The following ANK2 variants were observed in gnomAD, a reference collection of about 807,000 sequenced individuals.
The protein encoded by ANK2 is ankyrin-2.
Under a neutral mutation model 360.5 loss-of-function variants are expected in ANK2, and 83 were observed. That is an observed-to-expected ratio of 0.23 (90% CI 0.19 to 0.28). The LOEUF (loss-of-function observed/expected upper bound fraction) is 0.28, where lower values mean the gene tolerates loss of function less well. ANK2 is among the 10% of genes least tolerant of loss of function. The probability of loss-of-function intolerance (pLI) is 1.00; values close to 1 mark genes in which losing one functional copy is unlikely to be tolerated. For synonymous variants in ANK2, 1,740 were observed against 1,759.5 expected, an observed-to-expected ratio of 0.99 and a Z score of 0.28; for missense variants, 4,201 against 4,795.7, an observed-to-expected ratio of 0.88 and a Z score of 3.66.
chr4:113,203,177 T>A (rs1252355147), intron 4 of ANK2, among the ~76,000 whole-genome samples: 1 of 152,202 alleles, frequency 6.6e-6, no homozygotes, highest in Non-Finnish European at 1.5e-5. Context: ...CTCTAAATAA[T>A]CCTACATACG....
chr4:113,047,826 G>C (rs1428550330), upstream of ANK2, among the ~76,000 whole-genome samples: 1 of 152,018 alleles, frequency 6.6e-6, no homozygotes, highest in East Asian at 1.9e-4. Context: ...AAACAGAGTT[G>C]ACTCCAGATG....
chr4:112,806,883 T>C, the ANK2 span, among the ~76,000 whole-genome samples: 8 of 152,306 alleles, frequency 5.3e-5, no homozygotes, highest in East Asian at 1.5e-3. Flanking sequence ...CTTCTGGATG[T>C]ATACTCAGCA....
chr4:113,020,783 G>A (rs554453036), intron 2 of ANK2, among the ~76,000 whole-genome samples: 1 of 146,974 alleles, frequency 6.8e-6, no homozygotes, highest in African/African-American at 2.5e-5. Flanking sequence ...CCAAGATCAC[G>A]CCACTGCATT....
At chr4:113,175,105 T>G (rs1287636678) in intron 2 of ANK2, among the ~76,000 whole-genome samples, 1 of 152,168 alleles carries the variant, frequency 6.6e-6, no homozygotes, top group African/African-American at 2.4e-5. Flanking sequence ...GATTTTTACA[T>G]CATGAATTAA....
At chr4:112,924,293 G>T (rs778655946) in intron 2 of ANK2, among the ~76,000 whole-genome samples, 16 of 151,644 alleles carry the variant, frequency 1.1e-4, no homozygotes, top group Middle Eastern at 3.4e-3. Flanking sequence ...GCTTGAACCC[G>T]GGAGACGGAA....
chr4:112,874,579 T>G (rs931319181), intron 1 of ANK2, among the ~76,000 whole-genome samples: 1 of 142,870 alleles, frequency 7.0e-6, no homozygotes, highest in Non-Finnish European at 1.5e-5. Flanking sequence ...AAGGCGGAGG[T>G]TGCAGTGAGC....
intron 26 of ANK2, among the ~76,000 whole-genome samples, chr4:113,326,926 C>T (rs1439495224): frequency 6.6e-6 from 1 of 152,120 alleles, no homozygotes; most frequent in Non-Finnish European, 1.5e-5. Flanking sequence ...ATCACTTGAG[C>T]CCCGAAGGTC....
the ANK2 span, among the ~76,000 whole-genome samples, chr4:112,793,325 A>T: frequency 6.6e-6 from 1 of 152,190 alleles, no homozygotes; most frequent in Non-Finnish European, 1.5e-5. Flanking sequence ...GGCAAATCTA[A>T]ATGTGTTTCT....
intron 1 of ANK2, among the ~76,000 whole-genome samples, chr4:113,096,425 G>A (rs2091054009): frequency 1.3e-5 from 2 of 152,064 alleles, no homozygotes; most frequent in Admixed American, 1.3e-4. Flanking sequence ...GGAATCCAGG[G>A]TCCTTCTATC....
At chr4:113,014,533 T>TTA (rs1473760022) in intron 2 of ANK2, among the ~76,000 whole-genome samples, 2 of 152,196 alleles carry the variant, frequency 1.3e-5, no homozygotes, top group Non-Finnish European at 2.9e-5. Context: ...GAGCCAGCTC[T>TTA]TAAAACAACT....
At chr4:112,989,441 T>C (rs2046014628) in intron 2 of ANK2, among the ~76,000 whole-genome samples, 2 of 152,224 alleles carry the variant, frequency 1.3e-5, no homozygotes, top group Non-Finnish European at 2.9e-5. Flanking sequence ...AATTTCCCTT[T>C]ATTTTTAGTG....
chr4:112,713,184 G>A, the ANK2 span, among the ~76,000 whole-genome samples: 5 of 152,172 alleles, frequency 3.3e-5, no homozygotes, highest in Non-Finnish European at 7.3e-5. Flanking sequence ...TGTCTTGCAT[G>A]TGTAAACATT....
intron 2 of ANK2, among the ~76,000 whole-genome samples, chr4:112,916,277 T>A (rs1030841835): frequency 6.6e-6 from 1 of 152,192 alleles, no homozygotes; most frequent in Non-Finnish European, 1.5e-5. Context: ...GTGACAAAAA[T>A]CTGCCTTTTT....
chr4:113,269,332 C>T (rs1277505031), intron 14 of ANK2, among the ~76,000 whole-genome samples: 1 of 152,186 alleles, frequency 6.6e-6, no homozygotes, highest in Non-Finnish European at 1.5e-5. Context: ...TGAAAAAAAA[C>T]TCCTGTAGCT....
chr4:113,117,563 A>T lies in ANK2; in HGVS notation c.85-56853A>T, dbSNP rs551410648. 22 of 336,220 alleles carry T rather than the reference A, an allele frequency of 6.5e-5. No homozygotes were observed. In the East Asian group the frequency reaches 1.7e-3, roughly 26 times the overall value. 20.8% of individuals were successfully genotyped at this position (336,220 alleles called of 1,614,324 possible). ...AGTTTGCAGCCTAGAGCTCATGCCT[A>T]CATTTGCTGCATTGGGAGGAGATGC... On this transcript the variant is annotated intron_variant, in intron 1 of 45. Coordinates refer to ENST00000357077, the MANE Select transcript of ANK2 (RefSeq NM_001148.6).
chr4:112,904,490 T>C, exon 2 of ANK2: 1 of 1,508,190 alleles, frequency 6.6e-7, no homozygotes, highest in Non-Finnish European at 9.0e-7. Context: ...AATTGGTATT[T>C]CAAATGACCA....
chr4:112,958,559 G>C lies in ANK2; in HGVS notation c.21+54045G>C, dbSNP rs183061131. On this transcript the variant is annotated intron_variant, in intron 2 of 30. Transcript: ENST00000503271. ...GATGGCAGCAGTACAGTCCAGCTTCGGCTCGGCATCAGAGGGAGACCTTGG... is the reference window on the plus strand; with the variant it reads ...GATGGCAGCAGTACAGTCCAGCTTCCGCTCGGCATCAGAGGGAGACCTTGG... 4.2e-3 allele frequency among the ~76,000 whole-genome samples: 644 copies of C among 152,274 alleles called. 5 individuals are homozygous for C. Among genetic ancestry groups the C allele is most frequent in the African/African-American group, 0.015 (607 of 41,566 alleles).
chr4:113,161,581 A>G (rs1316703518), intron 1 of ANK2, among the ~76,000 whole-genome samples: 1 of 152,204 alleles, frequency 6.6e-6, no homozygotes, highest in African/African-American at 2.4e-5. Context: ...ATGAGGATAA[A>G]GTGGCCTCTC....
At chr4:113,209,735 T>C (rs2098999305) in intron 4 of ANK2, among the ~76,000 whole-genome samples, 2 of 151,908 alleles carry the variant, frequency 1.3e-5, no homozygotes, top group Admixed American at 1.3e-4. Context: ...AGGTTCCACA[T>C]TGGTTTTGGC....
Sources: gnomAD v4.1 joint callset for allele counts (sites outside exome capture counted in the v4.1 genomes callset) on GRCh38, gnomAD v4.1.1 for gene constraint, MANE v1.5 for transcripts, NCBI Gene and HGNC (gene_info 2026-07-23, HGNC 2026-07-21) for gene names.